Variants in ABCG2 observed in about 807,000 individuals in gnomAD.
The protein encoded by ABCG2 is ATP binding cassette subfamily G member 2 (JR blood group), also known as broad substrate specificity ATP-binding cassette transporter ABCG2.
ABCG2 carries 80 observed loss-of-function variants against 73.5 expected under a neutral mutation model. The ratio of observed to expected loss-of-function variants is 1.09; its 90% CI spans 0.91 to 1.31. The LOEUF (loss-of-function observed/expected upper bound fraction) is 1.31, where lower values mean the gene tolerates loss of function less well. Ranked by LOEUF, ABCG2 falls within the 50% of genes most tolerant of loss-of-function variation. ABCG2 has a pLI of 0.00. For missense variants in ABCG2, 796 were observed against 786.2 expected (o/e 1.01, Z -0.15); for synonymous variants, 269 against 282.4 (o/e 0.95, Z 0.48).
chr4:88,163,217 C>T (rs186008558), upstream of ABCG2, among the ~76,000 whole-genome samples: 200 of 152,278 alleles, frequency 1.3e-3, no homozygotes, highest in African/African-American at 4.5e-3. Flanking sequence ...GCTATCAGGG[C>T]CTTTGACTAA....
intron 5 of ABCG2, among the ~76,000 whole-genome samples, chr4:88,125,607 C>CAAAAAAAAAAAAAAAAAAAA (rs70957302): frequency 1.1e-4 from 4 of 34,952 alleles, no homozygotes; most frequent in Non-Finnish European, 2.0e-4. Context: ...GACTCTGTCT[C>CAAAAAAAAAAAAAAAAAAAA]AAAAAAAAAA....
At chr4:88,187,351 G>A (rs2110104736) in intron 1 of ABCG2, among the ~76,000 whole-genome samples, 1 of 152,246 alleles carries the variant, frequency 6.6e-6, no homozygotes, top group Non-Finnish European at 1.5e-5. Flanking sequence ...GGTGGCTCAT[G>A]CCTATAATCC....
At chr4:88,188,615 A>C (rs1288463915) in intron 1 of ABCG2, among the ~76,000 whole-genome samples, 1 of 133,418 alleles carries the variant, frequency 7.5e-6, no homozygotes, top group Non-Finnish European at 1.6e-5. Flanking sequence ...ATTCATTTGA[A>C]TTTTAGAATG....
chr4:88,213,296 C>G (rs150685122), intron 1 of ABCG2, among the ~76,000 whole-genome samples: 2 of 152,198 alleles, frequency 1.3e-5, no homozygotes, highest in African/African-American at 4.8e-5. Context: ...AGCCCATTCA[C>G]TCTTCTGTTT....
intron 8 of ABCG2, among the ~76,000 whole-genome samples, chr4:88,114,222 CCTGT>C (rs113581679): frequency 7.2e-5 from 11 of 152,142 alleles, no homozygotes; most frequent in African/African-American, 2.2e-4. Flanking sequence ...AGAGAAATAG[CCTGT>C]CTATTGCCAT....
chr4:88,145,666 G>T (rs1295593655), intron 1 of ABCG2, among the ~76,000 whole-genome samples: 1 of 152,102 alleles, frequency 6.6e-6, no homozygotes. Flanking sequence ...CAGGCCAGGT[G>T]CGGTGGCTCT....
At chr4:88,196,420 C>T (rs1260595952) in intron 1 of ABCG2, among the ~76,000 whole-genome samples, 1 of 152,186 alleles carries the variant, frequency 6.6e-6, no homozygotes, top group Non-Finnish European at 1.5e-5. Context: ...CACTTAACTA[C>T]ACTTTTAACA....
chr4:88,189,157 T>A (rs1215017925), intron 1 of ABCG2, among the ~76,000 whole-genome samples: 1 of 152,190 alleles, frequency 6.6e-6, no homozygotes, highest in Non-Finnish European at 1.5e-5. Flanking sequence ...TGGTTAAATT[T>A]ATTTATAAGT....
chr4:88,102,396 G>A (rs1032717562), intron 10 of ABCG2, among the ~76,000 whole-genome samples: 3 of 152,084 alleles, frequency 2.0e-5, no homozygotes, highest in African/African-American at 7.2e-5. Flanking sequence ...AGGAGTTCAA[G>A]ACCAGCCTAA....
At chr4:88,156,891 G>A (rs980807431) in intron 1 of ABCG2, among the ~76,000 whole-genome samples, 2 of 152,110 alleles carry the variant, frequency 1.3e-5, no homozygotes, top group Admixed American at 6.5e-5. Flanking sequence ...GATCACTAGA[G>A]GTCAGGAGTT....
At chr4:88,094,467 G>T in intron 15 of ABCG2, 110 bp downstream of exon 15, 1 of 887,416 alleles carries the variant, frequency 1.1e-6, no homozygotes, top group South Asian at 1.7e-5. Flanking sequence ...ACGTAGGCTC[G>T]GAAAAATTCA....
intron 15 of ABCG2, among the ~76,000 whole-genome samples, chr4:88,093,693 G>C (rs1721799076): frequency 6.6e-6 from 1 of 151,936 alleles, no homozygotes. Flanking sequence ...TCTGTACAGA[G>C]GATTTCCTGT....
chr4:88,117,343 ATAAAAT>A (rs1723648689), intron 7 of ABCG2, among the ~76,000 whole-genome samples: 1 of 150,832 alleles, frequency 6.6e-6, no homozygotes, highest in South Asian at 2.1e-4. Flanking sequence ...AAAACCTTAA[ATAAAAT>A]TTGCTGGGTG....
At chr4:88,217,843 G>A (rs913001108) in intron 1 of ABCG2, among the ~76,000 whole-genome samples, 1 of 151,832 alleles carries the variant, frequency 6.6e-6, no homozygotes, top group Non-Finnish European at 1.5e-5. Context: ...GCATGTTCCT[G>A]TAGTCCCAAC....
At chr4:88,154,234 T>C (rs548263644) in intron 1 of ABCG2, among the ~76,000 whole-genome samples, 1 of 152,332 alleles carries the variant, frequency 6.6e-6, no homozygotes, top group African/African-American at 2.4e-5. Context: ...TGGGATATGA[T>C]ACCTTTTTGA....
chr4:88,164,245 T>C (rs1466959012), upstream of ABCG2, among the ~76,000 whole-genome samples: 1 of 152,150 alleles, frequency 6.6e-6, no homozygotes, highest in Non-Finnish European at 1.5e-5. Context: ...TTTGTATTTT[T>C]AGTAGAGACA....
At chr4:88,181,133 G>A (rs1728216884) in intron 1 of ABCG2, among the ~76,000 whole-genome samples, 1 of 152,030 alleles carries the variant, frequency 6.6e-6, no homozygotes, top group Admixed American at 6.5e-5. Context: ...CCGGTGCGGT[G>A]GCTCACGCCT....
intron 1 of ABCG2, among the ~76,000 whole-genome samples, chr4:88,227,814 T>C (rs1730284630): frequency 6.6e-6 from 1 of 152,182 alleles, no homozygotes; most frequent in African/African-American, 2.4e-5. Context: ...GATTGCAAAT[T>C]ATGACATAAA....
chr4:88,183,088 A>T (rs1328664206), intron 1 of ABCG2, among the ~76,000 whole-genome samples: 1 of 1,412 alleles, frequency 7.1e-4, no homozygotes, highest in African/African-American at 1.9e-3. Flanking sequence ...CCGTCTCATA[A>T]AAAAAAAAAA....
Sources: allele counts gnomAD v4.1 joint callset (sites outside exome capture counted in the v4.1 genomes callset), GRCh38; gene constraint gnomAD v4.1.1; transcripts MANE v1.5; gene names NCBI Gene and HGNC (gene_info 2026-07-23, HGNC 2026-07-21).